Variants in MACROD2 observed in about 807,000 individuals in gnomAD.
MACROD2 encodes mono-ADP ribosylhydrolase 2, also known as ADP-ribose glycohydrolase MACROD2.
A neutral mutation model predicts 70.4 loss-of-function variants in MACROD2; 36 were observed. That is an observed-to-expected ratio of 0.51 (90% CI 0.39 to 0.68). MACROD2 has a LOEUF of 0.68. Among genes scored for constraint, MACROD2 ranks in the 30% least tolerant of loss-of-function variants. The pLI is 0.00. For missense variants in MACROD2, 496 were observed against 538.4 expected, an observed-to-expected ratio of 0.92 and a Z score of 0.78; for synonymous variants, 172 against 178.8, an observed-to-expected ratio of 0.96 and a Z score of 0.30.
chr20:16,034,326 CTG>C (rs1316487670), intron 15 of MACROD2, among the ~76,000 whole-genome samples: 3 of 151,978 alleles, frequency 2.0e-5, no homozygotes, highest in Non-Finnish European at 4.4e-5. Context: ...GATATTGACG[CTG>C]TGTTATTCCT....
intron 8 of MACROD2, among the ~76,000 whole-genome samples, chr20:15,692,608 AAAG>A (rs1270445084): frequency 1.3e-5 from 2 of 152,126 alleles, no homozygotes; most frequent in African/African-American, 2.4e-5. Context: ...AGCGCAGAGA[AAAG>A]AAGGTGAGGG....
At chr20:15,465,753 G>T (rs1219427780) in intron 7 of MACROD2, among the ~76,000 whole-genome samples, 1 of 152,204 alleles carries the variant, frequency 6.6e-6, no homozygotes, top group Non-Finnish European at 1.5e-5. Context: ...CAAAGACCTT[G>T]CATGAAGATC....
chr20:15,824,037 A>T (rs2063969816), intron 8 of MACROD2, among the ~76,000 whole-genome samples: 1 of 152,202 alleles, frequency 6.6e-6, no homozygotes, highest in South Asian at 2.1e-4. Flanking sequence ...TGGATAGACC[A>T]GAGGGAGATC....
intron 10 of MACROD2, among the ~76,000 whole-genome samples, chr20:15,889,129 G>A (rs1476093106): frequency 6.6e-6 from 1 of 152,144 alleles, no homozygotes; most frequent in Non-Finnish European, 1.5e-5. Flanking sequence ...TGGGTAAGAA[G>A]AGCCCCAGTG....
At chr20:14,960,322 G>A (rs1036737669) in intron 5 of MACROD2, among the ~76,000 whole-genome samples, 1 of 152,158 alleles carries the variant, frequency 6.6e-6, no homozygotes, top group African/African-American at 2.4e-5. Context: ...ATATCACTGG[G>A]AGAGAAGGTG....
At chr20:14,710,510 C>T (rs951641856) in intron 5 of MACROD2, among the ~76,000 whole-genome samples, 6 of 152,298 alleles carry the variant, frequency 3.9e-5, no homozygotes, top group South Asian at 4.1e-4. Flanking sequence ...GTTATCACCA[C>T]GTAGAATTCC....
intron 8 of MACROD2, among the ~76,000 whole-genome samples, chr20:15,768,361 T>G (rs2051563864): frequency 6.6e-6 from 1 of 152,182 alleles, no homozygotes. Flanking sequence ...AGTAGGCAAC[T>G]GTAGTGCAAT....
intron 12 of MACROD2, among the ~76,000 whole-genome samples, chr20:15,948,927 A>G (rs913505222): frequency 1.3e-5 from 2 of 152,228 alleles, no homozygotes; most frequent in African/African-American, 4.8e-5. Flanking sequence ...AGATTATTTG[A>G]ATGGGTTTAC....
intron 3 of MACROD2, among the ~76,000 whole-genome samples, chr20:14,268,905 G>C (rs1172680640): frequency 6.6e-6 from 1 of 152,062 alleles, no homozygotes; most frequent in Non-Finnish European, 1.5e-5. Context: ...CCTTTACCAA[G>C]GTAGATAAAT....
intron 5 of MACROD2, among the ~76,000 whole-genome samples, chr20:14,923,781 C>A (rs1050619293): frequency 3.1e-4 from 6 of 19,448 alleles, no homozygotes; most frequent in East Asian, 1.6e-3. Flanking sequence ...CCTAGGCTGG[C>A]GGTGCGTTGG....
rs73897603 is a variant in MACROD2, at chr20:15,445,350, A to T, written c.571+13915A>T. Among the ~76,000 whole-genome samples the T allele has an allele frequency of 1.4e-4, 22 of 152,342 alleles. 1 individual carries two copies. The highest frequency in any genetic ancestry group is 4.6e-4 in the African/African-American group (19 of 41,588). ...TAACCACTGTAGCCAATTGTTTAAA[A>T]AATAGTCAACTTGCTTAAGCACTTC... On this transcript the variant is annotated intron_variant, in intron 7 of 17. Transcript: ENST00000684519.
chr20:15,686,816 T>G (rs1402911705), intron 8 of MACROD2, among the ~76,000 whole-genome samples: 1 of 141,088 alleles, frequency 7.1e-6, no homozygotes, highest in Non-Finnish European at 1.5e-5. Context: ...GAGATTGCAG[T>G]GAGCCAAGAT....
At chr20:14,369,319 G>A (rs560767754) in intron 3 of MACROD2, among the ~76,000 whole-genome samples, 1 of 152,252 alleles carries the variant, frequency 6.6e-6, no homozygotes, top group South Asian at 2.1e-4. Flanking sequence ...GATTGTCTTT[G>A]CTTCCTCCAG....
At chr20:14,697,770 T>G (rs1398423854) in intron 5 of MACROD2, among the ~76,000 whole-genome samples, 3 of 152,190 alleles carry the variant, frequency 2.0e-5, no homozygotes, top group African/African-American at 7.2e-5. Flanking sequence ...TTCTTGAGGA[T>G]GTATGTTTGG....
rs115815433 is a variant in MACROD2, at chr20:14,588,762, A to G, written c.301+95254A>G. 6.6e-3 allele frequency among the ~76,000 whole-genome samples: 1,005 copies of G among 152,260 alleles called. 10 individuals are homozygous for G. The highest frequency in any genetic ancestry group is 0.022 in the African/African-American group (932 of 41,564). ...CAGGTGTGAGCCACCACTCCTGGCC[A>G]AGGCTATATATTATCTACGTTACAT... is the stretch of plus-strand genomic sequence containing the variant. On this transcript the variant is annotated intron_variant, in intron 4 of 17. Transcript: ENST00000684519.
At chr20:15,749,142 A>G (rs1201657137) in intron 8 of MACROD2, among the ~76,000 whole-genome samples, 1 of 152,158 alleles carries the variant, frequency 6.6e-6, no homozygotes, top group Non-Finnish European at 1.5e-5. Flanking sequence ...CTGTTTTAAC[A>G]TCTTGCTTTC....
At chr20:14,700,848 C>A (rs984015946) in intron 5 of MACROD2, among the ~76,000 whole-genome samples, 3 of 152,048 alleles carry the variant, frequency 2.0e-5, no homozygotes, top group African/African-American at 7.2e-5. Context: ...AGTGAGCTGG[C>A]TCACCAGAGT....
At chr20:15,130,962 C>T (rs1050238875) in intron 5 of MACROD2, among the ~76,000 whole-genome samples, 2 of 152,008 alleles carry the variant, frequency 1.3e-5, no homozygotes, top group Non-Finnish European at 2.9e-5. Flanking sequence ...ATTACAAAAC[C>T]AGAGAGGAGA....
intron 8 of MACROD2, among the ~76,000 whole-genome samples, chr20:15,723,869 G>C (rs889752158): frequency 6.6e-6 from 1 of 152,174 alleles, no homozygotes; most frequent in African/African-American, 2.4e-5. Flanking sequence ...CTGCCCAACT[G>C]TCTTTCAAGG....
Sources: gnomAD v4.1 joint callset for allele counts (sites outside exome capture counted in the v4.1 genomes callset) on GRCh38, gnomAD v4.1.1 for gene constraint, MANE v1.5 for transcripts, NCBI Gene and HGNC (gene_info 2026-07-23, HGNC 2026-07-21) for gene names.